KIF6: variants seen among roughly 807,000 people sequenced by gnomAD.
KIF6 encodes kinesin family member 6, also known as kinesin-like protein KIF6.
A neutral mutation model predicts 112.7 loss-of-function variants in KIF6; 106 were observed. The observed-to-expected ratio is 0.94, with a 90% CI of 0.80 to 1.11. KIF6 has a LOEUF of 1.11. Among genes scored for constraint, KIF6 ranks in the 50% least tolerant of loss-of-function variants. The pLI, the probability that KIF6 is intolerant of heterozygous loss-of-function variation, is 0.00. For missense variants in KIF6, 929 were observed against 964.0 expected, an observed-to-expected ratio of 0.96 and a Z score of 0.48; for synonymous variants, 339 against 339.9, an observed-to-expected ratio of 1.00 and a Z score of 0.03.
chr6:39,605,716 G>A (rs910228460), intron 6 of KIF6, among the ~76,000 whole-genome samples: 2 of 152,104 alleles, frequency 1.3e-5, no homozygotes, highest in African/African-American at 2.4e-5. Flanking sequence ...TACAGATGCC[G>A]AAGAAAGAAC....
chr6:39,442,970 C>T (rs368692541), intron 13 of KIF6, among the ~76,000 whole-genome samples: 8 of 151,762 alleles, frequency 5.3e-5, no homozygotes, highest in Admixed American at 2.0e-4. Context: ...AAAAATTAGC[C>T]GGGCGTGGTG....
At chr6:39,432,950 C>A (rs1278862506) in intron 13 of KIF6, among the ~76,000 whole-genome samples, 3 of 151,970 alleles carry the variant, frequency 2.0e-5, no homozygotes, top group Non-Finnish European at 4.4e-5. Context: ...TGATGAGCAG[C>A]CTTCCACCAA....
Position 39,500,495 on chromosome 6 carries a change from G to A in KIF6, c.1645+39508C>T, listed in dbSNP as rs77048295. On this transcript the variant is annotated intron_variant, in intron 13 of 22. Transcript: ENST00000287152. ...AGGAAGAGCTAGGGAAATATAATGCGTGAAATTGGAGGCACATTTTATTAA... is the reference window on the plus strand; with the variant it reads ...AGGAAGAGCTAGGGAAATATAATGCATGAAATTGGAGGCACATTTTATTAA... Among the ~76,000 whole-genome samples the A allele has an allele frequency of 8.5e-4, 130 of 152,274 alleles. 1 individual carries two copies. The highest frequency in any genetic ancestry group is 6.4e-3 in the South Asian group (31 of 4,820).
intron 6 of KIF6, among the ~76,000 whole-genome samples, chr6:39,608,828 C>T (rs973988959): frequency 3.9e-5 from 6 of 152,132 alleles, no homozygotes; most frequent in African/African-American, 1.4e-4. Context: ...CCTGAAATCA[C>T]CAGGTCTTCC....
At position 39,334,142 on chromosome 6, in the gene KIF6, T is replaced by G. The variant is rs728217; in HGVS notation, c.*2390A>C. ...GACACCAGTGGCCCCAGATCCCATG[T>G]TGTGTGTTTTTCTGTCTTCATTTCC... On this transcript the variant is annotated 3_prime_UTR_variant, in exon 23 of 23. Transcript: ENST00000287152. 1 of 152,248 alleles carries G rather than the reference T, an allele frequency of 6.6e-6. No homozygotes were observed. The highest frequency in any genetic ancestry group is 2.4e-5 in the African/African-American group (1 of 41,542). The allele number at this position is 152,248 out of a possible 1,614,324, so 9.4% of individuals were successfully genotyped here.
chr6:39,675,997 A>T (rs1787115440), intron 3 of KIF6, among the ~76,000 whole-genome samples: 1 of 152,050 alleles, frequency 6.6e-6, no homozygotes, highest in African/African-American at 2.4e-5. Flanking sequence ...GAATGAAAAG[A>T]AAAATGTATG....
chr6:39,359,783 G>A (rs1764989791), intron 18 of KIF6, among the ~76,000 whole-genome samples: 1 of 152,124 alleles, frequency 6.6e-6, no homozygotes, highest in African/African-American at 2.4e-5. Context: ...CATTTTGGTA[G>A]AGACAGGGTC....
intron 5 of KIF6, among the ~76,000 whole-genome samples, chr6:39,620,674 TAC>T (rs1320583555): frequency 2.0e-5 from 3 of 152,304 alleles, no homozygotes; most frequent in African/African-American, 7.2e-5. Flanking sequence ...TTAATTTTCT[TAC>T]ACACACTTTG....
intron 13 of KIF6, among the ~76,000 whole-genome samples, chr6:39,488,025 C>T (rs1034969697): frequency 7.1e-6 from 1 of 139,888 alleles, no homozygotes; most frequent in African/African-American, 2.6e-5. Context: ...AATCATCCAT[C>T]CACTCATCTA....
intron 13 of KIF6, among the ~76,000 whole-genome samples, chr6:39,461,967 T>A (rs200986046): frequency 1.3e-5 from 2 of 149,202 alleles, no homozygotes; most frequent in Non-Finnish European, 3.0e-5. Context: ...TTCCATTTTA[T>A]GCTTAAATTA....
intron 5 of KIF6, among the ~76,000 whole-genome samples, chr6:39,614,654 A>G (rs1388457837): frequency 6.6e-6 from 1 of 152,188 alleles, no homozygotes; most frequent in Non-Finnish European, 1.5e-5. Context: ...TCCTTCAACA[A>G]TACCAGCAAA....
chr6:39,346,083 T>TCTCTCCCTCTCC (rs1763722396), intron 20 of KIF6, among the ~76,000 whole-genome samples: 1 of 24,826 alleles, frequency 4.0e-5, no homozygotes, highest in Non-Finnish European at 8.1e-5. Flanking sequence ...TCTCTCTCTC[T>TCTCTCCCTCTCC]CTCCCCCCCC....
At chr6:39,661,770 C>T (rs957934592) in intron 3 of KIF6, among the ~76,000 whole-genome samples, 1 of 152,134 alleles carries the variant, frequency 6.6e-6, no homozygotes, top group Non-Finnish European at 1.5e-5. Flanking sequence ...TGAAGAGTTA[C>T]ACAGAACAAA....
chr6:39,551,845 G>A (rs1351553835), intron 10 of KIF6, among the ~76,000 whole-genome samples: 5 of 152,192 alleles, frequency 3.3e-5, no homozygotes, highest in Admixed American at 6.5e-5. Flanking sequence ...TTTGTAAAAT[G>A]TGTAGAATAA....
chr6:39,663,423 A>T (rs1334943078), intron 3 of KIF6, among the ~76,000 whole-genome samples: 1 of 152,174 alleles, frequency 6.6e-6, no homozygotes, highest in East Asian at 1.9e-4. Flanking sequence ...TAGAAATAAA[A>T]GTAGTCAGTC....
chr6:39,652,417 C>T (rs1785522645), intron 3 of KIF6, among the ~76,000 whole-genome samples: 1 of 151,984 alleles, frequency 6.6e-6, no homozygotes, highest in South Asian at 2.1e-4. Context: ...ATCCCAGCTA[C>T]TCAGGAGGCT....
chr6:39,561,975 C>G (rs568681484), intron 10 of KIF6, among the ~76,000 whole-genome samples: 1 of 152,354 alleles, frequency 6.6e-6, no homozygotes, highest in African/African-American at 2.4e-5. Context: ...TCCTATGTAT[C>G]TGCTATTCTT....
At chr6:39,564,253 C>A (rs969905220) in intron 10 of KIF6, among the ~76,000 whole-genome samples, 4 of 152,136 alleles carry the variant, frequency 2.6e-5, no homozygotes, top group East Asian at 1.9e-4. Context: ...CAGTAGCTAC[C>A]TTGACCATAA....
chr6:39,360,331 ACAGCCCCAGTGGGGCTG>A (rs1310794282), intron 18 of KIF6, 47 bp downstream of exon 18: 3 of 1,580,748 alleles, frequency 1.9e-6, no homozygotes, highest in East Asian at 2.2e-5. Context: ...GTGTCTCTTG[ACAGCCCCAGTGGGGCTG>A]CATGACTGGC....
Sources: gnomAD v4.1 joint callset for allele counts (sites outside exome capture counted in the v4.1 genomes callset) on GRCh38, gnomAD v4.1.1 for gene constraint, MANE v1.5 for transcripts, NCBI Gene and HGNC (gene_info 2026-07-23, HGNC 2026-07-21) for gene names.